Variants in SATL1 observed in about 807,000 individuals in gnomAD.
SATL1 encodes spermidine/spermine N1-acetyl transferase like 1.
Under a neutral mutation model 51.8 loss-of-function variants are expected in SATL1, and 47 were observed. That is an observed-to-expected ratio of 0.91 (90% CI 0.72 to 1.16). The LOEUF (loss-of-function observed/expected upper bound fraction) is 1.16. SATL1 is among the 50% of genes most tolerant of loss of function. The pLI is 0.00. For synonymous variants in SATL1, 176 were observed against 182.4 expected (o/e 0.97, Z 0.28); for missense variants, 520 against 526.4 (o/e 0.99, Z 0.12).
rs1445389689 is a variant in SATL1, at chrX:85,094,149, A to T, written c.1855T>A (p.Tyr619Asn). 8.5e-7 allele frequency: 1 copy of T among 1,173,028 alleles called. No individual in the cohort carries two copies. Among genetic ancestry groups the T allele is most frequent in the African/African-American group, 1.8e-5 (1 of 56,408 alleles). ...TGKVLYLEDF[Y>N]VTQAYQGLGI... ...TTACCTTGGTAAGCTTGTGTGACAT[A>T]AAAGTCCTCTAGGTAAAGTACCTTG... The change falls in exon 6 of 8, where the codon TAT (tyrosine) becomes AAT (asparagine). Residue 619 changes from tyrosine (Y) to asparagine (N), a missense_variant. By Grantham distance (143) the Tyr-to-Asn change is moderately radical (BLOSUM62 -2). Coordinates refer to ENST00000644105, the MANE Select transcript of SATL1 (RefSeq NM_001367857.2).
At chrX:85,121,839 T>G (rs995158784) in intron 2 of SATL1, among the ~76,000 whole-genome samples, 3 of 109,443 alleles carry the variant, frequency 2.7e-5, no homozygotes, top group Non-Finnish European at 5.7e-5. Flanking sequence ...ATAATATACT[T>G]GAAAATTGCT....
chrX:85,134,128 A>C lies in SATL1; in HGVS notation c.-312-24848T>G, dbSNP rs995946761. ...AATGAGTGTTTCAATAATAACATAAAGCATCTACAAATATATATGTATGTG... is the reference window on the plus strand; with the variant it reads ...AATGAGTGTTTCAATAATAACATAACGCATCTACAAATATATATGTATGTG... On this transcript the variant is annotated intron_variant, in intron 2 of 7. Transcript: ENST00000644105. Among the ~76,000 whole-genome samples the C allele has an allele frequency of 3.6e-5, 4 of 111,058 alleles. No homozygotes were observed. In the East Asian group the frequency reaches 1.1e-3, roughly 31 times the overall value.
intron 2 of SATL1, among the ~76,000 whole-genome samples, chrX:85,132,486 A>AT (rs763551410): frequency 4.5e-5 from 5 of 111,017 alleles, no homozygotes; most frequent in African/African-American, 1.6e-4. Flanking sequence ...TCATGCTGTG[A>AT]TTTTCAGCTC....
intron 2 of SATL1, among the ~76,000 whole-genome samples, chrX:85,169,692 C>T (rs1173753269): frequency 9.0e-6 from 1 of 111,578 alleles, no homozygotes; most frequent in Non-Finnish European, 1.9e-5. Context: ...ATTAATTCAA[C>T]AATTGTGGAA....
At chrX:85,095,699 G>A (rs921134341) in intron 4 of SATL1, among the ~76,000 whole-genome samples, 28 of 104,706 alleles carry the variant, frequency 2.7e-4, no homozygotes, top group African/African-American at 8.4e-4. Flanking sequence ...AGTGGCGCGC[G>A]CCTGTAGTCC....
intron 2 of SATL1, among the ~76,000 whole-genome samples, chrX:85,215,650 A>G (rs1044107951): frequency 1.8e-5 from 2 of 112,648 alleles, no homozygotes; most frequent in South Asian, 3.7e-4. Flanking sequence ...GCCCTAGGGC[A>G]TGGACACAAT....
At chrX:85,190,535 G>A (rs1446253633) in intron 2 of SATL1, among the ~76,000 whole-genome samples, 2 of 111,168 alleles carry the variant, frequency 1.8e-5, no homozygotes, top group Non-Finnish European at 3.8e-5. Flanking sequence ...GAATATCTTA[G>A]ATAATACCCA....
chrX:85,157,996 C>A (rs1165182052), intron 2 of SATL1, among the ~76,000 whole-genome samples: 1 of 111,259 alleles, frequency 9.0e-6, no homozygotes, highest in East Asian at 2.8e-4. Flanking sequence ...ACTTTTAAAC[C>A]AACTTAAACT....
rs186259241 is a variant in SATL1 at position 85,132,893 on chromosome X, C to T, written c.-312-23613G>A. 5.9e-4 allele frequency among the ~76,000 whole-genome samples: 66 copies of T among 111,962 alleles called. 2 individuals are homozygous for T. In the Middle Eastern group the frequency reaches 0.032, roughly 54 times the overall value. On this transcript the variant is annotated intron_variant, in intron 2 of 7. Coordinates refer to ENST00000644105, the MANE Select transcript of SATL1 (RefSeq NM_001367857.2). The stretch of plus-strand genomic sequence containing the variant: ...TATTCCTTTCTGTTTGTTAGTTTTC[C>T]TTCTAACAGTCGGGTCCCTCAGCTG...
intron 2 of SATL1, chrX:85,210,151 T>C (rs114726933): frequency 9.9e-6 from 1 of 101,464 alleles, no homozygotes; most frequent in South Asian, 4.3e-4. Context: ...TAGCTGCTGG[T>C]TTTTTTTTTC....
At chrX:85,171,780 G>T (rs1602888701) in intron 2 of SATL1, among the ~76,000 whole-genome samples, 1 of 111,679 alleles carries the variant, frequency 9.0e-6, no homozygotes, top group East Asian at 2.8e-4. Context: ...TAAAGCCCTT[G>T]TAAGTATTTC....
At chrX:85,113,009 C>T (rs1201071999) in intron 2 of SATL1, among the ~76,000 whole-genome samples, 1 of 110,851 alleles carries the variant, frequency 9.0e-6, no homozygotes, top group Non-Finnish European at 1.9e-5. Flanking sequence ...TTCCTTTTTC[C>T]TTCTGACAGC....
chrX:85,150,309 T>C (rs979823875), intron 2 of SATL1, among the ~76,000 whole-genome samples: 8 of 111,232 alleles, frequency 7.2e-5, no homozygotes, highest in Non-Finnish European at 1.3e-4. Context: ...GCTCTGAAAT[T>C]GTGGCAATAA....
At chrX:85,241,391 A>G (rs1462293344) in intron 1 of SATL1, among the ~76,000 whole-genome samples, 2 of 111,536 alleles carry the variant, frequency 1.8e-5, no homozygotes, top group African/African-American at 6.5e-5. Context: ...CAATATACCC[A>G]GTTAACAAGC....
chrX:85,108,875 T>C lies in SATL1; in HGVS notation c.94A>G (p.Met32Val). 1 of 1,211,894 alleles carries C rather than the reference T, an allele frequency of 8.3e-7. No homozygotes were observed. Among genetic ancestry groups the C allele is most frequent in the Non-Finnish European group, 1.1e-6 (1 of 895,512 alleles). The change falls in exon 3 of 8, where the codon ATG becomes GTG. Residue 32 changes from methionine (M) to valine (V), a missense_variant. This residue lies in a region of SATL1 where 22 missense variants were observed against 23.8 expected (regional missense o/e 0.92). Coordinates refer to ENST00000644105, the MANE Select transcript of SATL1 (RefSeq NM_001367857.2). ...CTTGCACTCCCTTGGTTCATGTCCA[T>C]TTGGTTCATACCAAGTGAGTTTGTG... is the stretch of plus-strand genomic sequence containing the variant. ...PSTNSLGMNQ[M>V]DMNQGSASLY...
At chrX:85,174,354 C>T (rs951242176) in intron 2 of SATL1, among the ~76,000 whole-genome samples, 1 of 107,487 alleles carries the variant, frequency 9.3e-6, no homozygotes, top group Non-Finnish European at 1.9e-5. Context: ...TGGAGTCTCA[C>T]TCTTGTTGCC....
intron 2 of SATL1, among the ~76,000 whole-genome samples, chrX:85,204,034 C>T (rs1448369852): frequency 1.8e-5 from 2 of 112,299 alleles, no homozygotes; most frequent in Non-Finnish European, 3.8e-5. Flanking sequence ...CGAGCAGCTG[C>T]TTTGCCAGGA....
At position 85,169,113 on chromosome X, in the gene SATL1, A is replaced by G. The variant is rs1449815272; in HGVS notation, c.-313+55092T>C. On this transcript the variant is annotated intron_variant, in intron 2 of 7. Coordinates refer to ENST00000644105, the MANE Select transcript of SATL1 (RefSeq NM_001367857.2). The stretch of plus-strand genomic sequence containing the variant: ...ATCCCACTCTTACACCATACACAAA[A>G]ATAAACTCAAGATGGAGTAAAGACT... Among the ~76,000 whole-genome samples, 3 of 112,518 alleles carry G rather than the reference A, an allele frequency of 2.7e-5. No individual in the cohort carries two copies. In the East Asian group the frequency reaches 8.4e-4, roughly 32 times the overall value.
intron 2 of SATL1, among the ~76,000 whole-genome samples, chrX:85,142,189 G>T (rs1569235341): frequency 1.9e-5 from 2 of 106,797 alleles, no homozygotes; most frequent in Non-Finnish European, 3.9e-5. Context: ...GAGGTTAGGA[G>T]ATCGAGACCA....
Sources: gnomAD v4.1 joint callset for allele counts (sites outside exome capture counted in the v4.1 genomes callset) on GRCh38, gnomAD v4.1.1 for gene constraint, gnomAD v4.1.1 regional missense constraint, MANE v1.5 for transcripts, NCBI Gene and HGNC (gene_info 2026-07-23, HGNC 2026-07-21) for gene names.